The following NUP37 variants were observed in gnomAD, a reference collection of about 807,000 sequenced individuals.
The protein encoded by NUP37 is nucleoporin 37.
In NUP37, 33 loss-of-function variants were observed where a neutral mutation model predicts 45.4. That is an observed-to-expected ratio of 0.73 (90% CI 0.55 to 0.97). NUP37 has a LOEUF of 0.97. NUP37 is among the 50% of genes least tolerant of loss of function. The pLI is 0.00. For missense variants in NUP37, 365 were observed against 389.7 expected, an observed-to-expected ratio of 0.94 and a Z score of 0.53; for synonymous variants, 127 against 130.7, an observed-to-expected ratio of 0.97 and a Z score of 0.19.
chr12:102,110,522 A>T (rs1044157856), intron 3 of NUP37, among the ~76,000 whole-genome samples: 1 of 152,060 alleles, frequency 6.6e-6, no homozygotes, highest in Non-Finnish European at 1.5e-5. Flanking sequence ...AAATAAAAAA[A>T]AAAAAAAGAA....
chr12:102,119,744 C>A (rs1296677243), intron 1 of NUP37, among the ~76,000 whole-genome samples: 3 of 152,034 alleles, frequency 2.0e-5, no homozygotes, highest in Admixed American at 6.6e-5. Context: ...GCAAGAGATT[C>A]GAGGTCACGA....
chr12:102,079,437 A>C (rs75821858), intron 6 of NUP37, among the ~76,000 whole-genome samples: 1,900 of 152,288 alleles, frequency 0.012, 45 homozygotes, highest in African/African-American at 0.044. Flanking sequence ...AGTTGCTGCA[A>C]ACACTCAACT....
intron 6 of NUP37, among the ~76,000 whole-genome samples, chr12:102,077,903 T>A (rs1277688762): frequency 1.3e-5 from 2 of 152,174 alleles, no homozygotes; most frequent in Non-Finnish European, 2.9e-5. Context: ...TCTGAAACCC[T>A]TCTAGTTCCA....
intron 6 of NUP37, among the ~76,000 whole-genome samples, chr12:102,078,386 T>G (rs986884621): frequency 1.1e-4 from 16 of 152,154 alleles, no homozygotes; most frequent in African/African-American, 3.9e-4. Context: ...GTGCCGTCAC[T>G]AAGAAGAAGA....
intron 4 of NUP37, among the ~76,000 whole-genome samples, chr12:102,100,512 G>A (rs1158576226): frequency 1.3e-5 from 2 of 152,180 alleles, no homozygotes; most frequent in Non-Finnish European, 2.9e-5. Context: ...TAAGGCAGCT[G>A]CTATGATTAC....
At chr12:102,082,508 T>C (rs1467346266) in intron 6 of NUP37, among the ~76,000 whole-genome samples, 3 of 152,234 alleles carry the variant, frequency 2.0e-5, no homozygotes, top group Non-Finnish European at 2.9e-5. Flanking sequence ...ACTGAGTGCT[T>C]ACTATGTGCT....
chr12:102,102,696 G>GC (rs1231123338), intron 3 of NUP37, among the ~76,000 whole-genome samples: 1 of 152,078 alleles, frequency 6.6e-6, no homozygotes, highest in Non-Finnish European at 1.5e-5. Context: ...ATGTTGTGAA[G>GC]CTTTTTCTGT....
chr12:102,118,482 C>T lies in NUP37; in HGVS notation c.37G>A (p.Val13Met). The change falls in exon 2 of 10, where the codon GTG (valine) becomes ATG (methionine). Residue 13 changes from valine (V) to methionine (M), a missense_variant. Val to Met is a conservative substitution (Grantham distance 21, BLOSUM62 1). Coordinates refer to ENST00000552283, the MANE Select transcript of NUP37 (RefSeq NM_024057.4). Reference sequence around the variant, plus strand: ...ACATGCACATAATCTTCACAATCCACAGTGTAGGCAGCATTTCTTGAGGCA... The same window carrying T: ...ACATGCACATAATCTTCACAATCCATAGTGTAGGCAGCATTTCTTGAGGCA... ...QDASRNAAYT[V>M]DCEDYVHVVE... 1 of 1,611,640 alleles carries T rather than the reference C, an allele frequency of 6.2e-7. No individual in the cohort carries two copies. The highest frequency in any genetic ancestry group is 8.5e-7 in the Non-Finnish European group (1 of 1,179,536).
At chr12:102,084,754 C>T (rs1323534951) in intron 6 of NUP37, among the ~76,000 whole-genome samples, 1 of 151,550 alleles carries the variant, frequency 6.6e-6, no homozygotes, top group East Asian at 1.9e-4. Context: ...CTGTGGGAGC[C>T]TAAGGAACTA....
intron 3 of NUP37, among the ~76,000 whole-genome samples, chr12:102,108,551 C>G (rs1442322961): frequency 6.6e-6 from 1 of 152,162 alleles, no homozygotes; most frequent in African/African-American, 2.4e-5. Flanking sequence ...ATAAACTCCC[C>G]TTCATATATA....
At chr12:102,095,731 A>G (rs996992412) in intron 5 of NUP37, among the ~76,000 whole-genome samples, 7 of 152,216 alleles carry the variant, frequency 4.6e-5, no homozygotes, top group Admixed American at 3.9e-4. Context: ...CCTATGATTT[A>G]TCTTGCTATG....
rs990196560 is a variant in NUP37, at chr12:102,118,609, T to C, written c.-65-26A>G. 211 of 1,137,414 alleles carry C rather than the reference T, an allele frequency of 1.9e-4. 1 individual carries two copies. Among genetic ancestry groups the C allele is most frequent in the Non-Finnish European group, 2.5e-4 (198 of 794,888 alleles). The allele number at this position is 1,137,414 out of a possible 1,614,324, so 70.5% of individuals were successfully genotyped here. A position where few individuals can be genotyped will look rare whatever the true frequency, so the allele number is the denominator to read the frequency against. The stretch of plus-strand genomic sequence containing the variant: ...CTGTGGATTAGAGCACAGGTACAAT[T>C]ACAATGGTCAATATGTTAGTCATTC... On this transcript the variant is annotated intron_variant, in intron 1 of 9. Coordinates refer to ENST00000552283, the MANE Select transcript of NUP37 (RefSeq NM_024057.4).
rs1337263912 is a variant in NUP37, at chr12:102,073,591, G to A, written c.*763C>T. The A allele has an allele frequency of 6.6e-6, 1 of 152,120 alleles. No individual in the cohort carries two copies. The highest frequency in any genetic ancestry group is 3.2e-3 in the Middle Eastern group (1 of 316). 9.4% of individuals were successfully genotyped at this position (152,120 alleles called of 1,614,324 possible). ...GCAATATAATCAATCACATATTTAA[G>A]AAACTGAAAACAATTTTTTACATTA... On this transcript the variant is annotated 3_prime_UTR_variant, in exon 10 of 10. Transcript: ENST00000552283.
chr12:102,104,116 C>T (rs773020371), intron 3 of NUP37, among the ~76,000 whole-genome samples: 22 of 152,176 alleles, frequency 1.4e-4, no homozygotes, highest in Admixed American at 2.6e-4. Flanking sequence ...TTCTCCACAT[C>T]CCGGGTCAAC....
intron 3 of NUP37, among the ~76,000 whole-genome samples, chr12:102,110,258 G>C (rs1413559049): frequency 6.6e-6 from 1 of 152,114 alleles, no homozygotes. Context: ...CTAACACTTT[G>C]GGAGGTCAAG....
At chr12:102,103,832 C>A (rs1314273445) in intron 3 of NUP37, among the ~76,000 whole-genome samples, 1 of 152,084 alleles carries the variant, frequency 6.6e-6, no homozygotes, top group Non-Finnish European at 1.5e-5. Flanking sequence ...TTGATAAAAA[C>A]TCAACAAATT....
intron 3 of NUP37, among the ~76,000 whole-genome samples, chr12:102,105,587 G>A (rs1476501752): frequency 6.6e-6 from 1 of 151,954 alleles, no homozygotes; most frequent in African/African-American, 2.4e-5. Context: ...CCTCACGCCA[G>A]GCACAGTGGC....
chr12:102,083,859 G>C (rs1879396949), intron 6 of NUP37, among the ~76,000 whole-genome samples: 1 of 152,342 alleles, frequency 6.6e-6, no homozygotes, highest in Admixed American at 6.5e-5. Flanking sequence ...AAGAATGAAG[G>C]AAAAGGCCAC....
intron 5 of NUP37, among the ~76,000 whole-genome samples, chr12:102,093,095 T>C (rs1449603581): frequency 6.6e-6 from 1 of 152,092 alleles, no homozygotes; most frequent in Non-Finnish European, 1.5e-5. Flanking sequence ...CTTATTATTT[T>C]ACTCTTCAAT....
Sources: allele counts gnomAD v4.1 joint callset (sites outside exome capture counted in the v4.1 genomes callset), GRCh38; gene constraint gnomAD v4.1.1; transcripts MANE v1.5; gene names NCBI Gene and HGNC (gene_info 2026-07-23, HGNC 2026-07-21).